CSGALNACT1: variants seen among roughly 807,000 people sequenced by gnomAD.
CSGALNACT1 encodes the protein beta4GalNAcT-1.
A neutral mutation model predicts 51.0 loss-of-function variants in CSGALNACT1; 52 were observed. The ratio of observed to expected loss-of-function variants is 1.02; its 90% CI spans 0.82 to 1.29. CSGALNACT1 has a LOEUF of 1.29. Among genes scored for constraint, CSGALNACT1 ranks in the 50% most tolerant of loss-of-function variants. The pLI is 0.00. For synonymous variants in CSGALNACT1, 341 were observed against 254.4 expected, an observed-to-expected ratio of 1.34 and a Z score of -3.24; for missense variants, 935 against 679.2, an observed-to-expected ratio of 1.38 and a Z score of -4.19.
chr8:19,612,946 G>GAAAAACAAAAAAAA (rs2052478070), intron 1 of CSGALNACT1, among the ~76,000 whole-genome samples: 1 of 15,428 alleles, frequency 6.5e-5, no homozygotes, highest in Non-Finnish European at 1.6e-4. Flanking sequence ...AAAGCAGCTG[G>GAAAAACAAAAAAAA]AAAAAAAAAA....
intron 1 of CSGALNACT1, among the ~76,000 whole-genome samples, chr8:19,625,061 G>A (rs1008187926): frequency 1.2e-4 from 18 of 152,124 alleles, no homozygotes; most frequent in Admixed American, 2.0e-4. Flanking sequence ...CCTAATCAAC[G>A]ACTGAACCAT....
intron 1 of CSGALNACT1, among the ~76,000 whole-genome samples, chr8:19,707,983 G>A (rs143580375): frequency 0.015 from 2,315 of 152,250 alleles, 30 homozygotes; most frequent in South Asian, 0.045. Flanking sequence ...ACTCCAGCCT[G>A]GGTGACGGAG....
At chr8:19,543,852 G>T (rs1351280950) in intron 3 of CSGALNACT1, among the ~76,000 whole-genome samples, 2 of 152,136 alleles carry the variant, frequency 1.3e-5, no homozygotes, top group Non-Finnish European at 2.9e-5. Flanking sequence ...AGATGGCCTT[G>T]GGGACCCCTG....
chr8:19,409,237 C>A (rs1316974913), intron 8 of CSGALNACT1, among the ~76,000 whole-genome samples: 2 of 152,212 alleles, frequency 1.3e-5, no homozygotes, highest in Admixed American at 1.3e-4. Context: ...CAGTATGTTA[C>A]CAGCTCTCCA....
chr8:19,713,570 A>G (rs972284725), intron 1 of CSGALNACT1, among the ~76,000 whole-genome samples: 3 of 152,132 alleles, frequency 2.0e-5, no homozygotes, highest in Non-Finnish European at 4.4e-5. Flanking sequence ...TCCCATGTGA[A>G]TGGTATCCTT....
At position 19,637,009 on chromosome 8, in the gene CSGALNACT1, G is replaced by A. The variant is rs1211885458; in HGVS notation, c.-543-35144C>T. ...ATTCGAGATCAGCCTGGCCAACATGGAGAAACCCTGTTCTCTACTAAAAAA... is the reference window on the plus strand; with the variant it reads ...ATTCGAGATCAGCCTGGCCAACATGAAGAAACCCTGTTCTCTACTAAAAAA... On this transcript the variant is annotated intron_variant, in intron 1 of 9. Transcript: ENST00000332246. Among the ~76,000 whole-genome samples the A allele has an allele frequency of 4.0e-5, 6 of 150,714 alleles. No individual in the cohort carries two copies. In the East Asian group the frequency reaches 5.8e-4, roughly 15 times the overall value.
chr8:19,612,141 G>A (rs541773777), intron 1 of CSGALNACT1, among the ~76,000 whole-genome samples: 23 of 152,102 alleles, frequency 1.5e-4, no homozygotes, highest in Admixed American at 2.6e-4. Context: ...CCAGGAGCTC[G>A]AGACCTGCCT....
chr8:19,434,066 G>C (rs1253483601), intron 6 of CSGALNACT1, among the ~76,000 whole-genome samples: 2 of 152,096 alleles, frequency 1.3e-5, no homozygotes, highest in Non-Finnish European at 2.9e-5. Context: ...ATTCATCCAT[G>C]TTTCTTGGAT....
At position 19,545,900 on chromosome 8, in the gene CSGALNACT1, TAA is replaced by T. The variant is rs892301331; in HGVS notation, c.-296-39772_-296-39771del. Among the ~76,000 whole-genome samples, 42 of 149,626 alleles carry T rather than the reference TAA, an allele frequency of 2.8e-4. No individual in the cohort carries two copies. In the East Asian group the frequency reaches 3.3e-3, roughly 12 times the overall value. On this transcript the variant is annotated intron_variant, in intron 3 of 9. Coordinates refer to ENST00000454498, the Ensembl canonical transcript of CSGALNACT1. ...TATATGCTATATGTGTATACATATA[TAA>T]GTTTATTTTTCTAAAACAGCAAAAC...
chr8:19,420,802 T>C (rs2057805081), intron 6 of CSGALNACT1, among the ~76,000 whole-genome samples: 1 of 152,190 alleles, frequency 6.6e-6, no homozygotes, highest in Non-Finnish European at 1.5e-5. Flanking sequence ...TGACTATTCT[T>C]TGTGATGGAG....
chr8:19,636,399 G>C (rs1185120470), intron 1 of CSGALNACT1, among the ~76,000 whole-genome samples: 2 of 152,144 alleles, frequency 1.3e-5, no homozygotes, highest in Non-Finnish European at 2.9e-5. Context: ...GAATCTGGGA[G>C]CATATCCCTT....
chr8:19,694,020 AAT>A (rs1271504975), intron 1 of CSGALNACT1, among the ~76,000 whole-genome samples: 5 of 152,200 alleles, frequency 3.3e-5, no homozygotes, highest in Non-Finnish European at 7.3e-5. Context: ...CATATCATCA[AAT>A]ACAGCAATTT....
rs1589440656 is a variant in CSGALNACT1, at chr8:19,675,643, C to T, written c.-544+6830G>A. Among the ~76,000 whole-genome samples the T allele has an allele frequency of 2.0e-5, 3 of 152,260 alleles. No individual in the cohort carries two copies. In the South Asian group the frequency reaches 6.2e-4, roughly 32 times the overall value. On this transcript the variant is annotated intron_variant, in intron 1 of 9. Transcript: ENST00000332246. ...GAGTAGCTGGGATTACAGGCACGTG[C>T]CACCACATCCAGCTAATTTTTTTAA...
At chr8:19,455,887 G>T (rs2063981270) in intron 5 of CSGALNACT1, among the ~76,000 whole-genome samples, 1 of 152,128 alleles carries the variant, frequency 6.6e-6, no homozygotes. Flanking sequence ...CCTGCACCTT[G>T]GTAGCATGTC....
At chr8:19,576,113 G>C (rs544120703) in intron 3 of CSGALNACT1, among the ~76,000 whole-genome samples, 1 of 152,214 alleles carries the variant, frequency 6.6e-6, no homozygotes, top group East Asian at 1.9e-4. Context: ...AGGCTCCTCT[G>C]ATGATAGAGC....
chr8:19,422,197 TTTTTC>T (rs2058058470), intron 6 of CSGALNACT1, among the ~76,000 whole-genome samples: 1 of 152,148 alleles, frequency 6.6e-6, no homozygotes, highest in Non-Finnish European at 1.5e-5. Context: ...TATAATACAC[TTTTTC>T]TTTTAGAGAC....
At position 19,701,153 on chromosome 8, in the gene CSGALNACT1, G is replaced by GTTTTTTTTTTTTTTT. The variant is rs767074945; in HGVS notation, c.-297+56682_-297+56696dup. ...GAAAATTTCAGTTCATCTATTATCC[G>GTTTTTTTTTTTTTTT]TTTTTTTTTTTTTTTTTTTTGATAC... is the stretch of plus-strand genomic sequence containing the variant. On this transcript the variant is annotated intron_variant, in intron 1 of 1. Coordinates refer to the CSGALNACT1 transcript ENST00000517494. Among the ~76,000 whole-genome samples, 20 of 93,278 alleles carry GTTTTTTTTTTTTTTT rather than the reference G, an allele frequency of 2.1e-4. 1 individual carries two copies. Among genetic ancestry groups the GTTTTTTTTTTTTTTT allele is most frequent in the Middle Eastern group, 9.1e-3 (1 of 110 alleles). The allele number at this position is 93,278 out of a possible 152,430, so 61.2% of individuals were successfully genotyped here. A position where few individuals can be genotyped will look rare whatever the true frequency, so the allele number is the denominator to read the frequency against.
chr8:19,431,969 T>G (rs902982002), intron 6 of CSGALNACT1, among the ~76,000 whole-genome samples: 1 of 152,084 alleles, frequency 6.6e-6, no homozygotes, highest in African/African-American at 2.4e-5. Context: ...TTTTTTTCTA[T>G]GAAGCTGTCT....
At chr8:19,752,632 G>T (rs972034627) in intron 1 of CSGALNACT1, among the ~76,000 whole-genome samples, 1 of 152,122 alleles carries the variant, frequency 6.6e-6, no homozygotes, top group Admixed American at 6.5e-5. Flanking sequence ...GTGTGCCCAC[G>T]TGCCTTAAGA....
Sources: gnomAD v4.1 joint callset for allele counts (sites outside exome capture counted in the v4.1 genomes callset) on GRCh38, gnomAD v4.1.1 for gene constraint, MANE v1.5 for transcripts, NCBI Gene and HGNC (gene_info 2026-07-23, HGNC 2026-07-21) for gene names.